Variants in USH2A observed in about 807,000 individuals in gnomAD.
USH2A encodes Usher syndrome 2A (autosomal recessive, mild).
A neutral mutation model predicts 538.9 loss-of-function variants in USH2A; 443 were observed. The observed-to-expected ratio is 0.82, with a 90% CI of 0.76 to 0.89. The LOEUF is 0.89. USH2A is among the 40% of genes least tolerant of loss of function. The pLI, the probability that USH2A is intolerant of heterozygous loss-of-function variation, is 0.00. For synonymous variants in USH2A, 2,413 were observed against 2,273.5 expected (o/e 1.06, Z -1.75); for missense variants, 6,633 against 6,324.8 (o/e 1.05, Z -1.65).
intron 38 of USH2A, among the ~76,000 whole-genome samples, chr1:215,908,859 T>C (rs1486335602): frequency 6.6e-6 from 1 of 151,634 alleles, no homozygotes; most frequent in Non-Finnish European, 1.5e-5. Flanking sequence ...CTATTTCAGA[T>C]ATTAGTTGAC....
intron 35 of USH2A, among the ~76,000 whole-genome samples, chr1:215,975,193 T>C (rs748449463): frequency 6.6e-6 from 1 of 152,202 alleles, no homozygotes; most frequent in Non-Finnish European, 1.5e-5. Flanking sequence ...TTTTTACTTG[T>C]TGATTTAAGT....
intron 11 of USH2A, among the ~76,000 whole-genome samples, chr1:216,263,612 A>T (rs1442068686): frequency 6.6e-6 from 1 of 152,166 alleles, no homozygotes; most frequent in African/African-American, 2.4e-5. Context: ...TATGGAAGAA[A>T]TGTACCTCAA....
At chr1:215,873,801 C>CAAA (rs35816736) in intron 43 of USH2A, among the ~76,000 whole-genome samples, 2,257 of 127,620 alleles carry the variant, frequency 0.018, 46 homozygotes, top group African/African-American at 0.059. Context: ...ATTGTCATTG[C>CAAA]AAAAAAAAAA....
chr1:215,912,512 C>CAT lies in USH2A; in HGVS notation c.7301-11608_7301-11607insAT, dbSNP rs1665832241. Among the ~76,000 whole-genome samples, 116 of 45,246 alleles carry CAT rather than the reference C, an allele frequency of 2.6e-3. 6 individuals are homozygous for CAT. The East Asian group carries it at 0.12, about 46-fold the overall frequency. 29.7% of individuals were successfully genotyped at this position (45,246 alleles called of 152,430 possible). A position where few individuals can be genotyped will look rare whatever the true frequency, so the allele number is the denominator to read the frequency against. ...ATATGTGTATATATATATATATATACGTGTATATATATATATATATATATG... is the reference window on the plus strand; with the variant it reads ...ATATGTGTATATATATATATATATACATGTGTATATATATATATATATATATG... On this transcript the variant is annotated intron_variant, in intron 38 of 71. Coordinates refer to ENST00000307340, the MANE Select transcript of USH2A (RefSeq NM_206933.4).
chr1:216,186,510 CCTTTCTT>C (rs1363136964), intron 20 of USH2A, among the ~76,000 whole-genome samples: 3 of 151,916 alleles, frequency 2.0e-5, no homozygotes, highest in Non-Finnish European at 4.4e-5. Flanking sequence ...CTTCACTCTT[CCTTTCTT>C]CTTTCTTCCC....
chr1:215,885,487 T>A (rs1665027585), intron 41 of USH2A, among the ~76,000 whole-genome samples: 1 of 152,222 alleles, frequency 6.6e-6, no homozygotes, highest in African/African-American at 2.4e-5. Context: ...CCTTATAAAA[T>A]GAAATACATT....
chr1:216,084,999 G>T, intron 24 of USH2A, 122 bp from the exon 25 acceptor site: 1 of 878,918 alleles, frequency 1.1e-6, no homozygotes, highest in Admixed American at 2.1e-5. Flanking sequence ...TTTACTGCAA[G>T]CCTCTTAATG....
intron 26 of USH2A, among the ~76,000 whole-genome samples, chr1:216,080,731 A>C (rs961783346): frequency 6.6e-6 from 1 of 151,370 alleles, no homozygotes; most frequent in African/African-American, 2.4e-5. Context: ...CTGTAGAACA[A>C]GTTCTTACAG....
At chr1:216,187,562 T>C (rs1216186333) in intron 20 of USH2A, among the ~76,000 whole-genome samples, 1 of 151,894 alleles carries the variant, frequency 6.6e-6, no homozygotes, top group Non-Finnish European at 1.5e-5. Flanking sequence ...ATTTTCACAA[T>C]ACAATCCTTA....
intron 11 of USH2A, among the ~76,000 whole-genome samples, chr1:216,268,452 C>T (rs989800141): frequency 1.3e-5 from 2 of 152,026 alleles, no homozygotes; most frequent in Non-Finnish European, 2.9e-5. Context: ...ATAGTAAGTG[C>T]TCGGTAAAGA....
chr1:216,126,171 A>T (rs1349654020), intron 21 of USH2A, among the ~76,000 whole-genome samples: 1 of 152,134 alleles, frequency 6.6e-6, no homozygotes, highest in Non-Finnish European at 1.5e-5. Context: ...AAACAATTGT[A>T]GGAGCTCTTC....
At chr1:215,944,419 C>A (rs1666709671) in intron 37 of USH2A, among the ~76,000 whole-genome samples, 1 of 152,092 alleles carries the variant, frequency 6.6e-6, no homozygotes, top group African/African-American at 2.4e-5. Context: ...TAGAATGATT[C>A]TCTTGAGTAA....
intron 34 of USH2A, among the ~76,000 whole-genome samples, chr1:215,996,533 C>G (rs184385730): frequency 7.7e-6 from 1 of 129,808 alleles, no homozygotes; most frequent in South Asian, 2.7e-4. Context: ...TTCAAAATAG[C>G]CTTTGTTGAG....
intron 35 of USH2A, among the ~76,000 whole-genome samples, chr1:215,980,144 C>T (rs1317186871): frequency 3.9e-5 from 6 of 152,104 alleles, no homozygotes; most frequent in Non-Finnish European, 7.4e-5. Flanking sequence ...AAGACACAAA[C>T]ACTTTAAAGT....
chr1:215,734,130 G>T (rs1363323991), intron 60 of USH2A, among the ~76,000 whole-genome samples: 1 of 152,232 alleles, frequency 6.6e-6, no homozygotes, highest in Non-Finnish European at 1.5e-5. Context: ...AATCTAGGGG[G>T]AAGCTGCCAA....
At chr1:216,147,838 G>T (rs1162073278) in intron 21 of USH2A, among the ~76,000 whole-genome samples, 1 of 151,438 alleles carries the variant, frequency 6.6e-6, no homozygotes, top group Non-Finnish European at 1.5e-5. Context: ...TGGAAATCTG[G>T]CCACTGGGCC....
Position 216,327,766 on chromosome 1 carries a change from G to C in USH2A, c.785-112C>G, listed in dbSNP as rs112802425. On this transcript the variant is annotated intron_variant, in intron 4 of 71. Transcript: ENST00000307340. Reference sequence around the variant, plus strand: ...ATGTTAAGGTTAAAAAGATATTTATGTCACTGCCCTTTGAAACTTTTACAG... The same window carrying C: ...ATGTTAAGGTTAAAAAGATATTTATCTCACTGCCCTTTGAAACTTTTACAG... 7.2e-5 allele frequency: 95 copies of C among 1,310,914 alleles called. No individual in the cohort carries two copies. The African/African-American group carries it at 1.2e-3, about 17-fold the overall frequency. The allele number at this position is 1,310,914 out of a possible 1,614,324, so 81.2% of individuals were successfully genotyped here.
At chr1:216,040,275 G>A (rs766404603) in intron 32 of USH2A, among the ~76,000 whole-genome samples, 8 of 151,910 alleles carry the variant, frequency 5.3e-5, no homozygotes, top group Non-Finnish European at 1.0e-4. Context: ...CACGTGTTAT[G>A]GCTTGGTGTG....
intron 58 of USH2A, among the ~76,000 whole-genome samples, chr1:215,753,827 A>T (rs539422975): frequency 2.0e-5 from 3 of 147,986 alleles, no homozygotes; most frequent in South Asian, 4.2e-4. Flanking sequence ...AAAAAAAATT[A>T]AAAAAAAATA....
Sources: gnomAD v4.1 joint callset for allele counts (sites outside exome capture counted in the v4.1 genomes callset) on GRCh38, gnomAD v4.1.1 for gene constraint, MANE v1.5 for transcripts, NCBI Gene and HGNC (gene_info 2026-07-23, HGNC 2026-07-21) for gene names.